Variants in CTNNA2 observed in about 807,000 individuals in gnomAD.
CTNNA2 encodes the protein catenin alpha-2.
In CTNNA2, 42 loss-of-function variants were observed where a neutral mutation model predicts 101.0. The observed-to-expected ratio is 0.42, with a 90% CI of 0.32 to 0.54. CTNNA2 has a LOEUF of 0.54. Among genes scored for constraint, CTNNA2 ranks in the 20% least tolerant of loss-of-function variants. The pLI, the probability that CTNNA2 is intolerant of heterozygous loss-of-function variation, is 0.14. For missense variants in CTNNA2, 871 were observed against 1,223.1 expected (o/e 0.71, Z 4.29); for synonymous variants, 450 against 456.4 (o/e 0.99, Z 0.18).
intron 3 of CTNNA2, among the ~76,000 whole-genome samples, chr2:79,320,768 T>A (rs1043736352): frequency 1.3e-5 from 2 of 152,108 alleles, no homozygotes; most frequent in Middle Eastern, 3.2e-3. Flanking sequence ...CTTTTTCAGA[T>A]GAAAGAGCAC....
At chr2:80,317,025 T>G (rs1374878486) in intron 7 of CTNNA2, among the ~76,000 whole-genome samples, 1 of 152,026 alleles carries the variant, frequency 6.6e-6, no homozygotes, top group Non-Finnish European at 1.5e-5. Context: ...ACCTGAATGA[T>G]GAGCAAGGGG....
intron 3 of CTNNA2, among the ~76,000 whole-genome samples, chr2:79,361,452 C>T (rs539128442): frequency 1.2e-4 from 18 of 152,226 alleles, no homozygotes; most frequent in African/African-American, 4.1e-4. Flanking sequence ...TGATCTCTTT[C>T]GTCATCTTTC....
rs1215785782 is a variant in CTNNA2 at position 79,284,651 on chromosome 2, A to G, written c.-405-28058A>G. On this transcript the variant is annotated intron_variant, in intron 2 of 21. Transcript: ENST00000466387. The stretch of plus-strand genomic sequence containing the variant: ...GATAAGCTTTTTGATGTGCTGCTGG[A>G]TTCATTTTGCCAGTATTTTATTGAG... Among the ~76,000 whole-genome samples, 3 of 149,934 alleles carry G rather than the reference A, an allele frequency of 2.0e-5. No homozygotes were observed. In the East Asian group the frequency reaches 6.0e-4, roughly 30 times the overall value.
At chr2:80,640,596 C>A (rs572666237) in intron 18 of CTNNA2, among the ~76,000 whole-genome samples, 1 of 152,112 alleles carries the variant, frequency 6.6e-6, no homozygotes, top group Non-Finnish European at 1.5e-5. Flanking sequence ...GGAAAATGTA[C>A]GCAGGTATTT....
intron 2 of CTNNA2, among the ~76,000 whole-genome samples, chr2:79,308,933 T>C (rs1288858365): frequency 6.6e-6 from 1 of 152,116 alleles, no homozygotes; most frequent in Non-Finnish European, 1.5e-5. Context: ...TCAGATACAA[T>C]CTAATTTTAG....
chr2:79,415,417 A>G (rs1002913619), intron 4 of CTNNA2, among the ~76,000 whole-genome samples: 1 of 152,008 alleles, frequency 6.6e-6, no homozygotes, highest in Non-Finnish European at 1.5e-5. Flanking sequence ...AAATTACCCA[A>G]CCTCTATTAG....
intron 2 of CTNNA2, among the ~76,000 whole-genome samples, chr2:79,703,487 A>G (rs1015425680): frequency 3.3e-5 from 5 of 152,152 alleles, no homozygotes; most frequent in African/African-American, 7.2e-5. Flanking sequence ...GTCTCCATAG[A>G]TAGAGAGAAA....
intron 7 of CTNNA2, among the ~76,000 whole-genome samples, chr2:80,041,412 C>A (rs1696044863): frequency 6.6e-6 from 1 of 151,974 alleles, no homozygotes; most frequent in Admixed American, 6.6e-5. Context: ...ACACAAGAAT[C>A]TATTTGCTTT....
intron 2 of CTNNA2, among the ~76,000 whole-genome samples, chr2:79,216,088 TACG>T (rs1674254128): frequency 6.6e-6 from 1 of 152,130 alleles, no homozygotes; most frequent in African/African-American, 2.4e-5. Context: ...TTGCCTATTT[TACG>T]ACAAGAATTA....
intron 18 of CTNNA2, among the ~76,000 whole-genome samples, chr2:80,642,723 A>T (rs1673627641): frequency 6.6e-6 from 1 of 152,192 alleles, no homozygotes; most frequent in African/African-American, 2.4e-5. Flanking sequence ...TTTCAGAAAT[A>T]TTCAGTTGAT....
At position 80,401,245 on chromosome 2, in the gene CTNNA2, G is replaced by T. The variant is rs550203594; in HGVS notation, c.1137+7954G>T. Among the ~76,000 whole-genome samples, 258 of 152,224 alleles carry T rather than the reference G, an allele frequency of 1.7e-3. 4 individuals carry two copies. The highest frequency in any genetic ancestry group is 5.7e-3 in the African/African-American group (236 of 41,524). ...AATAAAGTAAGCCTGCACCACACAG[G>T]TGCTGAAAGAGTGAAGAATCCCCTG... On this transcript the variant is annotated intron_variant, in intron 8 of 18. Transcript: ENST00000402739.
At chr2:79,205,162 C>G (rs1674085381) in intron 2 of CTNNA2, among the ~76,000 whole-genome samples, 1 of 152,156 alleles carries the variant, frequency 6.6e-6, no homozygotes, top group Non-Finnish European at 1.5e-5. Flanking sequence ...AGGACACATA[C>G]AGTGGCAGAT....
chr2:79,905,906 T>C (rs983544947), intron 6 of CTNNA2, among the ~76,000 whole-genome samples: 10 of 152,178 alleles, frequency 6.6e-5, no homozygotes, highest in African/African-American at 2.4e-4. Context: ...TCAGGATGGA[T>C]TCATTTCCAG....
chr2:79,667,293 G>A (rs371453630), intron 2 of CTNNA2, among the ~76,000 whole-genome samples: 1 of 152,180 alleles, frequency 6.6e-6, no homozygotes, highest in Non-Finnish European at 1.5e-5. Flanking sequence ...GCTTGCAGGA[G>A]ATCATTAAAG....
At chr2:80,122,259 G>A (rs1701883801) in intron 7 of CTNNA2, among the ~76,000 whole-genome samples, 1 of 147,000 alleles carries the variant, frequency 6.8e-6, no homozygotes, top group Non-Finnish European at 1.5e-5. Flanking sequence ...CCCTCTCTCT[G>A]TTTCCCTCTC....
chr2:79,313,829 G>A (rs1204819853), intron 3 of CTNNA2, among the ~76,000 whole-genome samples: 1 of 152,068 alleles, frequency 6.6e-6, no homozygotes, highest in Non-Finnish European at 1.5e-5. Flanking sequence ...TGTGTGTTTG[G>A]GGGTAAGAGG....
intron 7 of CTNNA2, among the ~76,000 whole-genome samples, chr2:80,019,878 G>A (rs1289104013): frequency 6.6e-6 from 1 of 152,156 alleles, no homozygotes; most frequent in East Asian, 1.9e-4. Context: ...ATTTTATGGA[G>A]TAACTATAGT....
rs114557819 is a variant in CTNNA2 at position 79,729,263 on chromosome 2, G to A, written c.103-15124G>A. Reference sequence around the variant, plus strand: ...GGTTGTATGTTCAATATTATTTGTTGAAGCATTCCTTTGGCTACAGAGCTA... The same window carrying A: ...GGTTGTATGTTCAATATTATTTGTTAAAGCATTCCTTTGGCTACAGAGCTA... On this transcript the variant is annotated intron_variant, in intron 2 of 18. Coordinates refer to ENST00000402739, the MANE Select transcript of CTNNA2 (RefSeq NM_001282597.3). Among the ~76,000 whole-genome samples the A allele has an allele frequency of 1.8e-3, 281 of 152,146 alleles. 1 individual carries two copies. Among genetic ancestry groups the A allele is most frequent in the African/African-American group, 6.4e-3 (265 of 41,522 alleles).
intron 3 of CTNNA2, among the ~76,000 whole-genome samples, chr2:79,765,438 T>G (rs1261477013): frequency 6.6e-6 from 1 of 152,010 alleles, no homozygotes; most frequent in Non-Finnish European, 1.5e-5. Flanking sequence ...ACTGAAGTGG[T>G]TTTCAAACTT....
Sources: gnomAD v4.1 joint callset for allele counts (sites outside exome capture counted in the v4.1 genomes callset) on GRCh38, gnomAD v4.1.1 for gene constraint, MANE v1.5 for transcripts, NCBI Gene and HGNC (gene_info 2026-07-23, HGNC 2026-07-21) for gene names.